The following UGT1A6 variants were observed in gnomAD, a reference collection of about 807,000 sequenced individuals.
The protein encoded by UGT1A6 is UDP-glucuronosyltransferase 1A6.
In UGT1A6, 32 loss-of-function variants were observed where a neutral mutation model predicts 44.4. The ratio of observed to expected loss-of-function variants is 0.72; its 90% CI spans 0.54 to 0.97. The LOEUF (loss-of-function observed/expected upper bound fraction) is 0.97. UGT1A6 is among the 50% of genes least tolerant of loss of function. UGT1A6 has a pLI of 0.00. For synonymous variants in UGT1A6, 238 were observed against 248.5 expected, an observed-to-expected ratio of 0.96 and a Z score of 0.40; for missense variants, 685 against 661.9, an observed-to-expected ratio of 1.03 and a Z score of -0.38.
intron 1 of UGT1A6, among the ~76,000 whole-genome samples, chr2:233,698,456 A>G (rs1354773136): frequency 2.0e-5 from 3 of 152,236 alleles, no homozygotes; most frequent in African/African-American, 7.2e-5. Context: ...GATCATAGAA[A>G]ATGAAGCCCT....
rs1434418426 is a variant in UGT1A6 at position 233,747,592 on chromosome 2, C to T, written c.862-19442C>T. On this transcript the variant is annotated intron_variant, in intron 1 of 4. Coordinates refer to ENST00000305139, the MANE Select transcript of UGT1A6 (RefSeq NM_001072.4). Reference sequence around the variant, plus strand: ...AATTCATCTTTGGTCTTTCATAGGTCTTGTGTGGAGCTACTGCATAATGAG... The same window carrying T: ...AATTCATCTTTGGTCTTTCATAGGTTTTGTGTGGAGCTACTGCATAATGAG... The T allele has an allele frequency of 5.7e-6, 9 of 1,575,532 alleles. No individual in the cohort carries two copies. The South Asian group carries it at 8.9e-5, about 16-fold the overall frequency.
rs1356082894 is a variant in UGT1A6 at position 233,693,262 on chromosome 2, G to A, written c.258G>A (p.Glu86=). Residue 86 remains glutamate (E), a synonymous_variant, in exon 1 of 5, where the codon GAG becomes GAA. Transcript: ENST00000305139. ...ATCCAGTGCCGTATGACCAAGAAGA[G>A]CTGAAGAACCGTTACCAATCATTTG... The part of the protein sequence containing the change: ...KIYPVPYDQE[E]LKNRYQSFGN... 6.2e-7 allele frequency: 1 copy of A among 1,614,118 alleles called. No homozygotes were observed. The highest frequency in any genetic ancestry group is 1.1e-5 in the South Asian group (1 of 91,048).
intron 1 of UGT1A6, chr2:233,719,600 C>T (rs1250192329): frequency 1.2e-6 from 2 of 1,614,004 alleles, no homozygotes; most frequent in South Asian, 2.2e-5. Context: ...TCCGAGGGGA[C>T]TTTGTGATGG....
intron 1 of UGT1A6, among the ~76,000 whole-genome samples, chr2:233,741,240 A>G (rs530886202): frequency 6.6e-6 from 1 of 152,014 alleles, no homozygotes; most frequent in East Asian, 1.9e-4. Flanking sequence ...CCTCTGAGTG[A>G]CACTGGTATG....
At chr2:233,732,416 TTTC>T (rs1325833889) in intron 1 of UGT1A6, among the ~76,000 whole-genome samples, 1 of 152,362 alleles carries the variant, frequency 6.6e-6, no homozygotes, top group East Asian at 1.9e-4. Context: ...TTGCCTAGGT[TTTC>T]TTCTAGGATT....
At chr2:233,718,929 G>C in intron 1 of UGT1A6, 1 of 1,614,160 alleles carries the variant, frequency 6.2e-7, no homozygotes, top group Non-Finnish European at 8.5e-7. Context: ...GGTGCCCACT[G>C]ATGGCAGCCC....
intron 1 of UGT1A6, among the ~76,000 whole-genome samples, chr2:233,766,480 T>TG (rs1699163559): frequency 6.6e-6 from 1 of 152,128 alleles, no homozygotes; most frequent in Non-Finnish European, 1.5e-5. Context: ...AGGCACATGA[T>TG]GGGGGCGTGG....
intron 1 of UGT1A6, chr2:233,712,898 A>G: frequency 6.2e-7 from 1 of 1,608,042 alleles, no homozygotes; most frequent in East Asian, 2.2e-5. Context: ...TTGATTTGCT[A>G]GGTGTCTCAG....
At chr2:233,751,721 A>G (rs1455896739) in intron 1 of UGT1A6, among the ~76,000 whole-genome samples, 3 of 152,224 alleles carry the variant, frequency 2.0e-5, no homozygotes, top group African/African-American at 7.2e-5. Context: ...CTCACAAGTG[A>G]ACTCTTCCTC....
At chr2:233,704,946 G>C (rs141742828) in intron 1 of UGT1A6, among the ~76,000 whole-genome samples, 231 of 152,194 alleles carry the variant, frequency 1.5e-3, no homozygotes, top group African/African-American at 5.5e-3. Flanking sequence ...GACCAGCCTG[G>C]CCAACATGGT....
Position 233,755,239 on chromosome 2 carries a change from G to A in UGT1A6, c.862-11795G>A, listed in dbSNP as rs1377553031. On this transcript the variant is annotated intron_variant, in intron 1 of 4. Transcript: ENST00000305139. Reference sequence around the variant, plus strand: ...ATACCCTCGGACGAGGCCTACCGGGGTACTCCCAGCACCTCGTAGTAGTCC... The same window carrying A: ...ATACCCTCGGACGAGGCCTACCGGGATACTCCCAGCACCTCGTAGTAGTCC... 1.2e-5 allele frequency: 11 copies of A among 885,954 alleles called. No individual in the cohort carries two copies. In the South Asian group the frequency reaches 1.4e-4, roughly 11 times the overall value. The allele number at this position is 885,954 out of a possible 1,614,324, so 54.9% of individuals were successfully genotyped here.
At position 233,701,149 on chromosome 2, in the gene UGT1A6, T is replaced by G. The variant is rs530857343; in HGVS notation, c.861+7284T>G. ...GGACATTTAGGTTGGTTCCAAGTCT[T>G]TGCTATTGTGAATAGTGCCGTTATA... On this transcript the variant is annotated intron_variant, in intron 1 of 4. Transcript: ENST00000305139. Among the ~76,000 whole-genome samples the G allele has an allele frequency of 9.2e-5, 14 of 152,334 alleles. No homozygotes were observed. The South Asian group carries it at 2.1e-3, about 23-fold the overall frequency.
rs535794871 is a variant in UGT1A6, at chr2:233,717,576, G to C, written c.861+23711G>C. On this transcript the variant is annotated intron_variant, in intron 1 of 4. Coordinates refer to ENST00000305139, the MANE Select transcript of UGT1A6 (RefSeq NM_001072.4). ...AATGGCAGACATGGCCAGGCATGTA[G>C]ACACAGAGGTAGTGAGATGGAAAGT... Among the ~76,000 whole-genome samples, 4 of 152,362 alleles carry C rather than the reference G, an allele frequency of 2.6e-5. No homozygotes were observed. In the East Asian group the frequency reaches 7.7e-4, roughly 29 times the overall value.
chr2:233,698,097 C>A (rs1330265062), intron 1 of UGT1A6, among the ~76,000 whole-genome samples: 3 of 152,172 alleles, frequency 2.0e-5, no homozygotes, highest in African/African-American at 7.2e-5. Context: ...TTTTTGAGCC[C>A]TGTGACCCTG....
rs371021401 is a variant in UGT1A6, at chr2:233,729,953, T to C, written c.861+36088T>C. The stretch of plus-strand genomic sequence containing the variant: ...CCAATCATGCCCAACATGGTCTTCA[T>C]TGGGGGCATCAACTGTGCCAACAGG... On this transcript the variant is annotated intron_variant, in intron 1 of 4. Transcript: ENST00000305139. 4.9e-4 allele frequency: 788 copies of C among 1,614,064 alleles called. 2 individuals are homozygous for C. In the South Asian group the frequency reaches 7.7e-3, roughly 16 times the overall value.
chr2:233,713,839 A>G (rs1333546186), intron 1 of UGT1A6: 2 of 1,613,942 alleles, frequency 1.2e-6, no homozygotes, highest in Non-Finnish European at 8.5e-7. Context: ...AACTGTGCCA[A>G]CGGGAAGCCA....
intron 1 of UGT1A6, among the ~76,000 whole-genome samples, chr2:233,698,816 G>GGAA (rs2075464493): frequency 6.6e-6 from 1 of 152,238 alleles, no homozygotes; most frequent in African/African-American, 2.4e-5. Context: ...CTCGCCTTGT[G>GGAA]GAAGAGTAAG....
intron 1 of UGT1A6, among the ~76,000 whole-genome samples, chr2:233,714,749 T>G (rs1318708109): frequency 6.6e-6 from 1 of 152,248 alleles, no homozygotes. Flanking sequence ...AGCATATATT[T>G]GACACTTACA....
intron 1 of UGT1A6, chr2:233,747,733 G>C (rs1192410134): frequency 9.3e-6 from 15 of 1,613,078 alleles, no homozygotes; most frequent in Middle Eastern, 3.3e-4. Flanking sequence ...TTTTTTTTGA[G>C]GAACATTCCA....
Sources: allele counts gnomAD v4.1 joint callset (sites outside exome capture counted in the v4.1 genomes callset), GRCh38; gene constraint gnomAD v4.1.1; transcripts MANE v1.5; gene names NCBI Gene and HGNC (gene_info 2026-07-23, HGNC 2026-07-21).